CACNA1C: variants seen among roughly 807,000 people sequenced by gnomAD.
The protein encoded by CACNA1C is calcium voltage-gated channel subunit alpha1 C.
Under a neutral mutation model 229.0 loss-of-function variants are expected in CACNA1C, and 30 were observed. The observed-to-expected ratio is 0.13, with a 90% confidence interval of 0.10 to 0.18. The LOEUF is 0.18. Ranked by LOEUF, CACNA1C falls within the 10% of genes least tolerant of loss-of-function variation. CACNA1C has a pLI of 1.00. For synonymous variants in CACNA1C, 1,114 were observed against 1,132.5 expected (o/e 0.98, Z 0.33); for missense variants, 1,658 against 2,845.0 (o/e 0.58, Z 9.49).
At chr12:2,641,944 G>A (rs1274232236) in intron 30 of CACNA1C, among the ~76,000 whole-genome samples, 1 of 152,148 alleles carries the variant, frequency 6.6e-6, no homozygotes, top group Non-Finnish European at 1.5e-5. Context: ...CCCCTGGGAG[G>A]AGGCCGAATG....
rs536994830 is a variant in CACNA1C at position 2,000,481 on chromosome 12, A to C, written c.139+29280A>C. ...TCTCTTTTCTTAATTAAAAAAAAAAAACCTTTAATGCCACATTTTAGTTTT... is the reference window on the plus strand; with the variant it reads ...TCTCTTTTCTTAATTAAAAAAAAAACACCTTTAATGCCACATTTTAGTTTT... On this transcript the variant is annotated intron_variant, in intron 1 of 46. Transcript: ENST00000682462. Among the ~76,000 whole-genome samples the C allele has an allele frequency of 2.0e-5, 3 of 152,232 alleles. No homozygotes were observed. In the South Asian group the frequency reaches 6.2e-4, roughly 32 times the overall value.
chr12:2,664,076 A>G (rs1396397221), intron 34 of CACNA1C, among the ~76,000 whole-genome samples: 2 of 152,304 alleles, frequency 1.3e-5, no homozygotes, highest in East Asian at 3.9e-4. Flanking sequence ...ACAAACGAAC[A>G]AGAAGACAAC....
chr12:2,542,376 G>A (rs1407201959), intron 9 of CACNA1C, among the ~76,000 whole-genome samples: 1 of 152,210 alleles, frequency 6.6e-6, no homozygotes, highest in Non-Finnish European at 1.5e-5. Context: ...ACAGGGAACT[G>A]TCAAGAGAGC....
Position 2,410,698 on chromosome 12 carries a change from CTG to C in CACNA1C, c.478-38263_478-38262del, listed in dbSNP as rs150253871. ...GACTCTAGCTGTGAGGATGGCTCGC[CTG>C]TGTGTGTGTGTGTGCGTGCACGCAT... On this transcript the variant is annotated intron_variant, in intron 3 of 46. Coordinates refer to ENST00000399655, the MANE Select transcript of CACNA1C (RefSeq NM_000719.7). The surrounding 1 kb of genome is among the most constrained non-coding windows in gnomAD (Gnocchi z 5.3). Among the ~76,000 whole-genome samples, 209 of 131,082 alleles carry C rather than the reference CTG, an allele frequency of 1.6e-3. No homozygotes were observed. Among genetic ancestry groups the C allele is most frequent in the African/African-American group, 5.1e-3 (169 of 33,404 alleles). 86.0% of individuals were successfully genotyped at this position (131,082 alleles called of 152,430 possible). A position where few individuals can be genotyped will look rare whatever the true frequency, so the allele number is the denominator to read the frequency against.
Position 2,566,432 on chromosome 12 carries a change from C to T in CACNA1C, c.1519C>T (p.Arg507Cys), listed in dbSNP as rs1416110017. Residue 507 changes from arginine (R) to cysteine (C), a missense_variant, in exon 12 of 47, where the codon CGC becomes TGC. Coordinates refer to ENST00000399655, the MANE Select transcript of CACNA1C (RefSeq NM_000719.7). This position sits in a 1 kb window ranked among gnomAD's most constrained non-coding sequence, Gnocchi z 4.0. ...ISKSKFSRYW[R>C]RWNRFCRRKC... ...CTGTCCCCTTTCCAGCCGCTACTGG[C>T]GCCGGTGGAATCGGTTCTGCAGAAG... is the stretch of plus-strand genomic sequence containing the variant. 2.5e-6 allele frequency: 4 copies of T among 1,593,184 alleles called. No individual in the cohort carries two copies. The highest frequency in any genetic ancestry group is 2.7e-5 in the African/African-American group (2 of 74,544).
Position 2,248,781 on chromosome 12 carries a change from T to C in CACNA1C, c.477+128351T>C, listed in dbSNP as rs575279836. On this transcript the variant is annotated intron_variant, in intron 3 of 46. Coordinates refer to ENST00000399655, the MANE Select transcript of CACNA1C (RefSeq NM_000719.7). ...ACGGTGTGGAGGGGCAATGCCAACC[T>C]TGGCGGTGACGGACTTAGGTTCTAT... Among the ~76,000 whole-genome samples the C allele has an allele frequency of 2.6e-5, 4 of 152,338 alleles. No homozygotes were observed. In the East Asian group the frequency reaches 7.7e-4, roughly 29 times the overall value.
chr12:2,313,280 C>T (rs915719604), intron 3 of CACNA1C, among the ~76,000 whole-genome samples: 4 of 152,164 alleles, frequency 2.6e-5, no homozygotes, highest in African/African-American at 9.7e-5. Context: ...TGGCATGTGG[C>T]AGGCATCCAC....
At chr12:2,483,631 A>G (rs1183773545) in intron 5 of CACNA1C, among the ~76,000 whole-genome samples, 1 of 152,224 alleles carries the variant, frequency 6.6e-6, no homozygotes, top group East Asian at 1.9e-4. Flanking sequence ...TTTTAAACCA[A>G]ACCAGCAGGA....
chr12:2,563,810 T>C (rs1455125699), intron 11 of CACNA1C, among the ~76,000 whole-genome samples: 1 of 152,238 alleles, frequency 6.6e-6, no homozygotes, highest in Non-Finnish European at 1.5e-5. Context: ...GCCCTGGAAG[T>C]AGAGGACCAA....
chr12:2,368,704 G>A (rs1297465821), intron 3 of CACNA1C, among the ~76,000 whole-genome samples: 1 of 152,166 alleles, frequency 6.6e-6, no homozygotes, highest in African/African-American at 2.4e-5. Flanking sequence ...ATTAATTCAT[G>A]AGTTTAAGAA....
rs75768802 is a variant in CACNA1C, at chr12:2,436,618, G to A, written c.478-12358G>A. ...GGCAGAGCAGCATTTGTCTTCCAGT[G>A]TCTGCACGCTACTGCCTTTTCCACC... On this transcript the variant is annotated intron_variant, in intron 3 of 46. Transcript: ENST00000399655. Among the ~76,000 whole-genome samples the A allele has an allele frequency of 2.1e-4, 32 of 152,326 alleles. 1 individual carries two copies. In the East Asian group the frequency reaches 5.0e-3, roughly 24 times the overall value.
At chr12:2,139,038 T>G (rs775307537) in intron 3 of CACNA1C, among the ~76,000 whole-genome samples, 15 of 150,964 alleles carry the variant, frequency 9.9e-5, no homozygotes, top group Non-Finnish European at 1.6e-4. Context: ...CTAGCACTGC[T>G]GTGAAAATAC....
intron 1 of CACNA1C, among the ~76,000 whole-genome samples, chr12:1,982,556 CTT>C (rs1216270549): frequency 6.6e-6 from 1 of 151,942 alleles, no homozygotes; most frequent in Non-Finnish European, 1.5e-5. Flanking sequence ...ATTTTATTCT[CTT>C]TTGAGGTTGA....
intron 29 of CACNA1C, among the ~76,000 whole-genome samples, chr12:2,628,583 C>A (rs892641438): frequency 6.6e-6 from 1 of 152,140 alleles, no homozygotes; most frequent in South Asian, 2.1e-4. Context: ...GTGACTCCTA[C>A]GTCACTAGGC....
intron 3 of CACNA1C, among the ~76,000 whole-genome samples, chr12:2,293,710 A>G (rs1032055153): frequency 1.9e-4 from 29 of 152,318 alleles, no homozygotes; most frequent in Non-Finnish European, 1.6e-4. Context: ...TTTGACCTTT[A>G]GAGTATCTTG....
intron 3 of CACNA1C, among the ~76,000 whole-genome samples, chr12:2,331,689 C>T (rs2096553378): frequency 6.6e-6 from 1 of 152,214 alleles, no homozygotes; most frequent in African/African-American, 2.4e-5. Context: ...GACACGCCAC[C>T]CAATGTGATA....
intron 30 of CACNA1C, among the ~76,000 whole-genome samples, chr12:2,638,621 T>A (rs2153592222): frequency 6.6e-6 from 1 of 152,280 alleles, no homozygotes; most frequent in Admixed American, 6.5e-5. Flanking sequence ...GGAAGATGCA[T>A]AGCGTGGAGC....
chr12:2,636,131 A>G (rs940066614), intron 30 of CACNA1C, among the ~76,000 whole-genome samples: 1 of 152,236 alleles, frequency 6.6e-6, no homozygotes, highest in Non-Finnish European at 1.5e-5. Context: ...AAGACAGGGC[A>G]GCAGTGGGCT....
chr12:2,115,575 T>C, intron 2 of CACNA1C, 30 bp downstream of exon 2: 1 of 1,606,962 alleles, frequency 6.2e-7, no homozygotes, highest in Non-Finnish European at 8.5e-7. Flanking sequence ...CTGGGCATGC[T>C]CCTGGGACCT....
Sources: gnomAD v4.1 joint callset for allele counts (sites outside exome capture counted in the v4.1 genomes callset) on GRCh38, gnomAD v4.1.1 for gene constraint, Gnocchi (gnomAD v3.1) non-coding constraint, MANE v1.5 for transcripts, NCBI Gene and HGNC (gene_info 2026-07-23, HGNC 2026-07-21) for gene names.